CHRM5: variants seen among roughly 807,000 people sequenced by gnomAD.
CHRM5 encodes muscarinic acetylcholine receptor M5.
A neutral mutation model predicts 39.0 loss-of-function variants in CHRM5; 18 were observed. The ratio of observed to expected loss-of-function variants is 0.46; its 90% confidence interval spans 0.32 to 0.68. The LOEUF is 0.68. Among genes scored for constraint, CHRM5 ranks in the 30% least tolerant of loss-of-function variants. CHRM5 has a pLI of 0.04. For missense variants in CHRM5, 515 were observed against 651.1 expected (o/e 0.79, Z 2.28); for synonymous variants, 241 against 246.3 (o/e 0.98, Z 0.20).
At chr15:34,035,733 A>G (rs1488755825) in intron 1 of CHRM5, among the ~76,000 whole-genome samples, 1 of 152,224 alleles carries the variant, frequency 6.6e-6, no homozygotes, top group Non-Finnish European at 1.5e-5. Flanking sequence ...CCCATCACAA[A>G]GATAAATACT....
rs3027963 is a variant in CHRM5 at position 34,058,555 on chromosome 15, AACACACAC to A, written c.-75-4056_-75-4049del. On this transcript the variant is annotated intron_variant, in intron 2 of 2. Coordinates refer to ENST00000383263, the MANE Select transcript of CHRM5 (RefSeq NM_012125.4). ...AGGAAGTTCTCTCTGCTTTAATTCT[AACACACAC>A]ACACACACACACACACACACACACA... 5.4e-4 allele frequency among the ~76,000 whole-genome samples: 78 copies of A among 143,286 alleles called. 2 individuals carry two copies. The highest frequency in any genetic ancestry group is 1.5e-3 in the African/African-American group (57 of 38,882). 94.0% of individuals were successfully genotyped at this position (143,286 alleles called of 152,430 possible).
At chr15:33,989,899 C>G (rs1018885650) in intron 1 of CHRM5, among the ~76,000 whole-genome samples, 1 of 150,318 alleles carries the variant, frequency 6.7e-6, no homozygotes, top group African/African-American at 2.5e-5. Context: ...ACACTAGATG[C>G]TATTAGAACG....
chr15:34,046,476 C>T (rs1275710381), intron 1 of CHRM5, 64 bp from the exon 2 acceptor site: 3 of 152,136 alleles, frequency 2.0e-5, no homozygotes, highest in Non-Finnish European at 4.4e-5. Context: ...AATGTTACTG[C>T]ACATTGCAGT....
intron 1 of CHRM5, among the ~76,000 whole-genome samples, chr15:33,984,853 A>G (rs1394636984): frequency 6.6e-6 from 1 of 152,156 alleles, no homozygotes; most frequent in African/African-American, 2.4e-5. Context: ...ATAACAGTTC[A>G]TTCACTCATT....
chr15:34,003,304 T>C, intron 1 of CHRM5: 1 of 1,000,696 alleles, frequency 1.0e-6, no homozygotes, highest in African/African-American at 1.6e-5. Context: ...GACATAACAA[T>C]AAAAAGCAAT....
intron 1 of CHRM5, among the ~76,000 whole-genome samples, chr15:33,997,771 T>C (rs2087217507): frequency 6.6e-6 from 1 of 152,196 alleles, no homozygotes; most frequent in African/African-American, 2.4e-5. Context: ...TCTCATTTCA[T>C]TGCATTTGCT....
intron 1 of CHRM5, among the ~76,000 whole-genome samples, chr15:33,976,564 T>C (rs762891407): frequency 2.6e-5 from 4 of 152,226 alleles, no homozygotes; most frequent in Non-Finnish European, 4.4e-5. Flanking sequence ...CACACTTTTA[T>C]TCTGTAAGTG....
At chr15:33,979,236 G>A (rs1315567231) in intron 1 of CHRM5, among the ~76,000 whole-genome samples, 2 of 152,096 alleles carry the variant, frequency 1.3e-5, no homozygotes, top group Admixed American at 6.5e-5. Context: ...AAGACTGCAC[G>A]GTTGGCCAGG....
intron 1 of CHRM5, among the ~76,000 whole-genome samples, chr15:33,973,056 T>G (rs1396790416): frequency 1.3e-5 from 2 of 152,222 alleles, no homozygotes; most frequent in East Asian, 3.8e-4. Context: ...TGTTTAAAGA[T>G]CTGACATTCT....
rs34414446 is a variant in CHRM5 at position 34,031,168 on chromosome 15, A to ATTTTTTTT, written c.-407-15356_-407-15349dup. On this transcript the variant is annotated intron_variant, in intron 1 of 2. Coordinates refer to ENST00000383263, the MANE Select transcript of CHRM5 (RefSeq NM_012125.4). ...TCCCAATTATGCTTTGCTTAGGTTA[A>ATTTTTTTT]TTTTTTTTTTTTTTTTTTTTTTTGA... is the stretch of plus-strand genomic sequence containing the variant. Among the ~76,000 whole-genome samples the ATTTTTTTT allele has an allele frequency of 6.5e-4, 44 of 67,594 alleles. 1 individual carries two copies. The highest frequency in any genetic ancestry group is 0.018 in the Middle Eastern group (1 of 56). The allele number at this position is 67,594 out of a possible 152,430, so 44.3% of individuals were successfully genotyped here.
intron 1 of CHRM5, among the ~76,000 whole-genome samples, chr15:34,023,135 C>T (rs539685198): frequency 6.4e-4 from 98 of 152,190 alleles, no homozygotes; most frequent in African/African-American, 2.0e-3. Context: ...GAACTGAGAT[C>T]GCGCCACTGC....
intron 2 of CHRM5, among the ~76,000 whole-genome samples, chr15:34,047,187 C>T (rs1388629877): frequency 6.6e-6 from 1 of 151,930 alleles, no homozygotes; most frequent in Non-Finnish European, 1.5e-5. Flanking sequence ...ACGCCATTCT[C>T]CTGCCTCAGC....
At chr15:34,040,687 G>A (rs757514386) in intron 1 of CHRM5, among the ~76,000 whole-genome samples, 1 of 151,950 alleles carries the variant, frequency 6.6e-6, no homozygotes, top group Non-Finnish European at 1.5e-5. Context: ...CAGCATTTTG[G>A]GAGGCTGTGG....
chr15:33,996,705 C>G (rs1896951437), intron 1 of CHRM5, among the ~76,000 whole-genome samples: 1 of 152,186 alleles, frequency 6.6e-6, no homozygotes, highest in South Asian at 2.1e-4. Flanking sequence ...CTGTAGGTCA[C>G]CAGCATCAAA....
At chr15:33,987,872 T>C (rs901389865) in intron 1 of CHRM5, among the ~76,000 whole-genome samples, 3 of 152,292 alleles carry the variant, frequency 2.0e-5, no homozygotes, top group East Asian at 1.9e-4. Context: ...TCTGGCCCCA[T>C]GGAAAACCCT....
Position 34,064,026 on chromosome 15 carries a change from G to A in CHRM5, c.1309G>A (p.Glu437Lys), listed in dbSNP as rs756372866. The change falls in exon 3 of 3, where the codon GAG (glutamate) becomes AAG (lysine). Residue 437 changes from glutamate (E) to lysine (K), a missense_variant. Physicochemically the swap from Glu to Lys is moderately conservative, Grantham distance 56 (BLOSUM62 1). Coordinates refer to ENST00000383263, the MANE Select transcript of CHRM5 (RefSeq NM_012125.4). Reference protein sequence around the residue: ...TKRKRVVLVKERKAAQTLSAI... With the variant: ...TKRKRVVLVKKRKAAQTLSAI... ...ACGAAAGAGAGTGGTCCTAGTCAAA[G>A]AGAGGAAAGCAGCCCAGACACTGAG... 1.9e-6 allele frequency: 3 copies of A among 1,614,182 alleles called. No individual in the cohort carries two copies. In the South Asian group the frequency reaches 3.3e-5, roughly 18 times the overall value.
intron 1 of CHRM5, among the ~76,000 whole-genome samples, chr15:34,002,003 G>A (rs1338733811): frequency 2.0e-5 from 3 of 152,068 alleles, no homozygotes; most frequent in Non-Finnish European, 4.4e-5. Context: ...ATTTAGCGAC[G>A]TAATTGCAGA....
chr15:33,999,686 C>T (rs891931674), intron 1 of CHRM5, among the ~76,000 whole-genome samples: 1 of 152,180 alleles, frequency 6.6e-6, no homozygotes, highest in Non-Finnish European at 1.5e-5. Flanking sequence ...CTGCTCTCCT[C>T]TGGACCCAGC....
rs550593998 is a variant in CHRM5 at position 33,993,048 on chromosome 15, T to C, written c.-408+23898T>C. Among the ~76,000 whole-genome samples the C allele has an allele frequency of 5.9e-5, 9 of 152,344 alleles. No individual in the cohort carries two copies. In the South Asian group the frequency reaches 6.2e-4, roughly 11 times the overall value. ...CACGTTTTCTTCAATATTGATCCAGTGCATTCTGCTCACACTGTTAAACAT... is the reference window on the plus strand; with the variant it reads ...CACGTTTTCTTCAATATTGATCCAGCGCATTCTGCTCACACTGTTAAACAT... On this transcript the variant is annotated intron_variant, in intron 1 of 2. Transcript: ENST00000383263.
Sources: allele counts gnomAD v4.1 joint callset (sites outside exome capture counted in the v4.1 genomes callset), GRCh38; gene constraint gnomAD v4.1.1; transcripts MANE v1.5; gene names NCBI Gene and HGNC (gene_info 2026-07-23, HGNC 2026-07-21).